Variants in ACBD6 observed in about 807,000 individuals in gnomAD.
ACBD6 encodes the protein acyl-CoA binding domain containing 6.
Under a neutral mutation model 37.2 loss-of-function variants are expected in ACBD6, and 28 were observed. The ratio of observed to expected loss-of-function variants is 0.75; its 90% confidence interval spans 0.56 to 1.03. The LOEUF (loss-of-function observed/expected upper bound fraction) is 1.03, where lower values mean the gene tolerates loss of function less well. Among genes scored for constraint, ACBD6 ranks in the 50% least tolerant of loss-of-function variants. The pLI is 0.00. For missense variants in ACBD6, 340 were observed against 337.4 expected, an observed-to-expected ratio of 1.01 and a Z score of -0.06; for synonymous variants, 113 against 126.8, an observed-to-expected ratio of 0.89 and a Z score of 0.73.
rs563376156 is a variant in ACBD6 at position 180,473,784 on chromosome 1, T to C, written c.384+18485A>G. 4.6e-5 allele frequency among the ~76,000 whole-genome samples: 7 copies of C among 152,270 alleles called. No individual in the cohort carries two copies. The East Asian group carries it at 1.2e-3, about 25-fold the overall frequency. ...GTTACTGATATTGAATGGTACATAA[T>C]AACAGTAGCACAGAGAGATTAAACC... On this transcript the variant is annotated intron_variant, in intron 3 of 7. Coordinates refer to ENST00000367595, the MANE Select transcript of ACBD6 (RefSeq NM_032360.4).
At chr1:180,495,419 C>G in intron 2 of ACBD6, 42 bp downstream of exon 2, 1 of 1,420,490 alleles carries the variant, frequency 7.0e-7, no homozygotes, top group Non-Finnish European at 9.8e-7. Context: ...AACACCTAAG[C>G]CATTTCCAAC....
At chr1:180,285,691 A>G (rs1036246291), downstream of ACBD6, among the ~76,000 whole-genome samples, 21 of 152,306 alleles carry the variant, frequency 1.4e-4, no homozygotes, top group East Asian at 1.5e-3. Flanking sequence ...GAGATGCTGT[A>G]GTGTACATGG....
intron 4 of ACBD6, among the ~76,000 whole-genome samples, chr1:180,416,590 T>C (rs1173000797): frequency 6.6e-6 from 1 of 152,198 alleles, no homozygotes; most frequent in Non-Finnish European, 1.5e-5. Flanking sequence ...ATGTTATCTC[T>C]AGCACAAAAC....
intron 9 of ACBD6, among the ~76,000 whole-genome samples, chr1:180,279,329 C>T (rs745719935): frequency 5.3e-5 from 8 of 152,086 alleles, no homozygotes; most frequent in Non-Finnish European, 1.0e-4. Flanking sequence ...CAGAGTCTTG[C>T]GCTGTTGCCC....
At chr1:180,443,808 A>G (rs1236203673) in intron 3 of ACBD6, among the ~76,000 whole-genome samples, 7 of 144,128 alleles carry the variant, frequency 4.9e-5, no homozygotes, top group Non-Finnish European at 7.6e-5. Context: ...TATTTTTAGT[A>G]GAGACAGGGT....
intron 7 of ACBD6, among the ~76,000 whole-genome samples, chr1:180,308,447 C>G (rs557636492): frequency 5.5e-4 from 84 of 152,318 alleles, no homozygotes; most frequent in Middle Eastern, 3.4e-3. Flanking sequence ...TAGCATTCAT[C>G]AGCCCAGTAC....
chr1:180,302,637 C>G (rs1035606856), intron 7 of ACBD6, among the ~76,000 whole-genome samples: 1 of 151,942 alleles, frequency 6.6e-6, no homozygotes, highest in Non-Finnish European at 1.5e-5. Context: ...GAGACTTAGA[C>G]TCCCACACAA....
intron 6 of ACBD6, among the ~76,000 whole-genome samples, chr1:180,337,359 C>G: frequency 6.6e-6 from 1 of 152,112 alleles, no homozygotes; most frequent in South Asian, 2.1e-4. Flanking sequence ...ATACAAAAAT[C>G]AATAAACGTA....
chr1:180,284,262 T>C (rs531596046), downstream of ACBD6, among the ~76,000 whole-genome samples: 29 of 152,286 alleles, frequency 1.9e-4, no homozygotes, highest in African/African-American at 6.5e-4. Context: ...GTGAAGAAAT[T>C]GTGAATGATT....
chr1:180,447,704 T>G (rs765537551), intron 3 of ACBD6, among the ~76,000 whole-genome samples: 1 of 152,200 alleles, frequency 6.6e-6, no homozygotes, highest in African/African-American at 2.4e-5. Flanking sequence ...GTATTTATCA[T>G]AGCTGTTCAG....
At chr1:180,349,411 A>G (rs1372324999) in intron 6 of ACBD6, among the ~76,000 whole-genome samples, 1 of 151,496 alleles carries the variant, frequency 6.6e-6, no homozygotes, top group Non-Finnish European at 1.5e-5. Context: ...ACCCGCCACC[A>G]CGCCTGGCTA....
At chr1:180,374,434 G>A (rs1350990243) in intron 6 of ACBD6, among the ~76,000 whole-genome samples, 5 of 152,172 alleles carry the variant, frequency 3.3e-5, no homozygotes, top group African/African-American at 1.2e-4. Flanking sequence ...AACTGATATG[G>A]AGAGACTGTT....
intron 6 of ACBD6, among the ~76,000 whole-genome samples, chr1:180,394,253 C>T (rs1473166073): frequency 6.6e-6 from 1 of 151,684 alleles, no homozygotes; most frequent in African/African-American, 2.4e-5. Flanking sequence ...ACCACTACAT[C>T]TAATTAAAAA....
chr1:180,442,292 C>CT (rs59092425), intron 3 of ACBD6, among the ~76,000 whole-genome samples: 24,277 of 149,302 alleles, frequency 0.16, 3,001 homozygotes, highest in East Asian at 0.37. Context: ...ACTAGGGGCA[C>CT]TTTTTTTTTT....
At chr1:180,442,567 T>C (rs1248033603) in intron 3 of ACBD6, among the ~76,000 whole-genome samples, 2 of 152,234 alleles carry the variant, frequency 1.3e-5, no homozygotes, top group Non-Finnish European at 2.9e-5. Context: ...TCACTTTTTT[T>C]CTCCTTTCTG....
At chr1:180,436,135 G>T (rs972992854) in intron 3 of ACBD6, among the ~76,000 whole-genome samples, 6 of 152,144 alleles carry the variant, frequency 3.9e-5, no homozygotes, top group African/African-American at 1.4e-4. Context: ...TCCAAAAAAG[G>T]TCCTTTCAGT....
intron 6 of ACBD6, among the ~76,000 whole-genome samples, chr1:180,340,012 G>C (rs1197249650): frequency 1.3e-5 from 2 of 152,178 alleles, no homozygotes; most frequent in East Asian, 3.9e-4. Context: ...AGCAATAGGA[G>C]GGAACAAGAT....
intron 3 of ACBD6, among the ~76,000 whole-genome samples, chr1:180,446,815 C>T (rs868809412): frequency 5.7e-4 from 86 of 152,122 alleles, no homozygotes; most frequent in African/African-American, 1.9e-3. Context: ...CAGAGGCAGG[C>T]GGATTACCCG....
chr1:180,393,965 T>C (rs1047650461), intron 6 of ACBD6, among the ~76,000 whole-genome samples: 4 of 152,220 alleles, frequency 2.6e-5, no homozygotes, highest in Non-Finnish European at 5.9e-5. Flanking sequence ...AGTTTTTGGA[T>C]TGTTTGTCTC....
Sources: allele counts gnomAD v4.1 joint callset (sites outside exome capture counted in the v4.1 genomes callset), GRCh38; gene constraint gnomAD v4.1.1; transcripts MANE v1.5; gene names NCBI Gene and HGNC (gene_info 2026-07-23, HGNC 2026-07-21).